MAN1A1: variants seen among roughly 807,000 people sequenced by gnomAD.
MAN1A1 encodes mannosyl-oligosaccharide 1,2-alpha-mannosidase IA.
MAN1A1 carries 29 observed loss-of-function variants against 70.8 expected under a neutral mutation model. The ratio of observed to expected loss-of-function variants is 0.41; its 90% CI spans 0.31 to 0.56. The LOEUF is 0.56. Among genes scored for constraint, MAN1A1 ranks in the 20% least tolerant of loss-of-function variants. The pLI is 0.29. For synonymous variants in MAN1A1, 349 were observed against 330.1 expected (o/e 1.06, Z -0.62); for missense variants, 747 against 841.3 (o/e 0.89, Z 1.39).
chr6:119,253,589 G>A (rs117882690), intron 5 of MAN1A1, among the ~76,000 whole-genome samples: 4,255 of 152,178 alleles, frequency 0.028, 94 homozygotes, highest in Non-Finnish European at 0.045. Context: ...AGAGTTTGTC[G>A]AATCCCAAAG....
intron 5 of MAN1A1, among the ~76,000 whole-genome samples, chr6:119,253,328 A>G (rs1775376253): frequency 6.6e-6 from 1 of 152,208 alleles, no homozygotes; most frequent in African/African-American, 2.4e-5. Context: ...GCAAATAGAT[A>G]AGATGCACAG....
chr6:119,234,440 G>A (rs1316622418), intron 6 of MAN1A1, among the ~76,000 whole-genome samples: 2 of 151,900 alleles, frequency 1.3e-5, no homozygotes, highest in Non-Finnish European at 2.9e-5. Flanking sequence ...GAGAGACAGG[G>A]TCTCACTCTG....
intron 6 of MAN1A1, among the ~76,000 whole-genome samples, chr6:119,218,272 T>C (rs1006464856): frequency 1.3e-5 from 2 of 152,282 alleles, no homozygotes; most frequent in Non-Finnish European, 2.9e-5. Context: ...TTCTGTACCC[T>C]ATTTAGAAAG....
chr6:119,349,849 C>A, upstream of MAN1A1: 4 of 721,918 alleles, frequency 5.5e-6, no homozygotes, highest in Non-Finnish European at 6.8e-6. Context: ...TCACGCGCCG[C>A]CCAGGGTCCC....
intron 5 of MAN1A1, among the ~76,000 whole-genome samples, chr6:119,277,561 T>C (rs4945634): frequency 0.48 from 72,241 of 151,806 alleles, 17,614 homozygotes; most frequent in East Asian, 0.74. Context: ...GTGGCTCACA[T>C]CTATAGTCCT....
At chr6:119,219,170 G>C (rs940828814) in intron 6 of MAN1A1, among the ~76,000 whole-genome samples, 3 of 151,748 alleles carry the variant, frequency 2.0e-5, no homozygotes, top group Non-Finnish European at 2.9e-5. Context: ...CCATCTTACT[G>C]CAAAATTTCA....
chr6:119,226,383 G>T (rs541243247), intron 6 of MAN1A1, among the ~76,000 whole-genome samples: 2 of 152,156 alleles, frequency 1.3e-5, no homozygotes, highest in Non-Finnish European at 2.9e-5. Flanking sequence ...ACAGCCGAGG[G>T]AACCCTAATC....
At chr6:119,305,773 T>C (rs2114448196) in intron 3 of MAN1A1, among the ~76,000 whole-genome samples, 1 of 152,282 alleles carries the variant, frequency 6.6e-6, no homozygotes, top group South Asian at 2.1e-4. Flanking sequence ...AGGCAAAGAC[T>C]TGTGTAAAGA....
At chr6:119,297,718 T>C (rs1772254550) in intron 4 of MAN1A1, among the ~76,000 whole-genome samples, 1 of 147,796 alleles carries the variant, frequency 6.8e-6, no homozygotes, top group South Asian at 2.1e-4. Flanking sequence ...ATGTATCACA[T>C]ATTACTAAAT....
At chr6:119,221,866 T>C (rs1207039333) in intron 6 of MAN1A1, among the ~76,000 whole-genome samples, 1 of 152,212 alleles carries the variant, frequency 6.6e-6, no homozygotes, top group Non-Finnish European at 1.5e-5. Flanking sequence ...ACCACTTAGA[T>C]TTAACAAATA....
intron 9 of MAN1A1, 43 bp downstream of exon 9, chr6:119,193,733 TA>T: frequency 7.5e-7 from 1 of 1,336,614 alleles, no homozygotes; most frequent in African/African-American, 1.5e-5. Flanking sequence ...ATACAAATTA[TA>T]AGTTAGGGCT....
intron 6 of MAN1A1, among the ~76,000 whole-genome samples, chr6:119,225,045 T>C (rs565064987): frequency 1.1e-4 from 16 of 152,106 alleles, no homozygotes; most frequent in African/African-American, 3.9e-4. Context: ...GAGAACTGCT[T>C]GAACCCGGGA....
At chr6:119,335,643 A>C (rs2114499958) in intron 2 of MAN1A1, among the ~76,000 whole-genome samples, 1 of 152,352 alleles carries the variant, frequency 6.6e-6, no homozygotes, top group Non-Finnish European at 1.5e-5. Context: ...GAAATAATCA[A>C]TAACATGGGA....
chr6:119,289,593 C>A (rs538737675), intron 5 of MAN1A1, among the ~76,000 whole-genome samples: 61 of 151,854 alleles, frequency 4.0e-4, no homozygotes, highest in Non-Finnish European at 2.2e-4. Context: ...GAGAAGGTAA[C>A]AGAGTTCACA....
chr6:119,347,646 G>A (rs1489877853), intron 2 of MAN1A1, among the ~76,000 whole-genome samples: 10 of 152,144 alleles, frequency 6.6e-5, no homozygotes, highest in Admixed American at 5.2e-4. Context: ...TGGGCCCTTC[G>A]ATCTTCATCT....
chr6:119,250,648 C>G (rs376949343), intron 5 of MAN1A1, among the ~76,000 whole-genome samples: 15,168 of 148,622 alleles, frequency 0.1, 917 homozygotes, highest in African/African-American at 0.17. Flanking sequence ...TGTTCTCTCT[C>G]TGTGTGTGTG....
intron 5 of MAN1A1, among the ~76,000 whole-genome samples, chr6:119,266,597 G>C (rs1582749730): frequency 1.3e-5 from 2 of 152,050 alleles, no homozygotes; most frequent in East Asian, 3.9e-4. Context: ...AACTCAAAAT[G>C]GATCATAGAC....
At chr6:119,220,822 C>T (rs1774339600) in intron 6 of MAN1A1, among the ~76,000 whole-genome samples, 1 of 151,768 alleles carries the variant, frequency 6.6e-6, no homozygotes, top group Admixed American at 6.6e-5. Context: ...TTTCCTGAGC[C>T]AAGGAGAGCA....
chr6:119,192,231 T>C (rs1474713664), intron 9 of MAN1A1, among the ~76,000 whole-genome samples: 1 of 152,112 alleles, frequency 6.6e-6, no homozygotes, highest in Non-Finnish European at 1.5e-5. Flanking sequence ...AGTATGGTAA[T>C]TAGAGGATGA....
Sources: allele counts gnomAD v4.1 joint callset (sites outside exome capture counted in the v4.1 genomes callset), GRCh38; gene constraint gnomAD v4.1.1; transcripts MANE v1.5; gene names NCBI Gene and HGNC (gene_info 2026-07-23, HGNC 2026-07-21).